The following NRG4 variants were observed in gnomAD, a reference collection of about 807,000 sequenced individuals.
The protein encoded by NRG4 is pro-neuregulin-4, membrane-bound isoform.
NRG4 carries 10 observed loss-of-function variants against 15.0 expected under a neutral mutation model. The observed-to-expected ratio is 0.67, with a 90% CI of 0.41 to 1.13. NRG4 has a LOEUF of 1.13. NRG4 is among the 50% of genes most tolerant of loss of function. The pLI is 0.00. For synonymous variants in NRG4, 41 were observed against 50.1 expected (o/e 0.82, Z 0.77); for missense variants, 139 against 140.2 (o/e 0.99, Z 0.04).
chr15:76,050,767 G>A (rs1466852978), intron 4 of NRG4, among the ~76,000 whole-genome samples: 1 of 147,310 alleles, frequency 6.8e-6, no homozygotes, highest in African/African-American at 2.6e-5. Flanking sequence ...TCTAAGCTCA[G>A]CAACTTGGAC....
intron 3 of NRG4, among the ~76,000 whole-genome samples, chr15:75,994,661 C>G (rs930952865): frequency 7.9e-5 from 12 of 152,200 alleles, no homozygotes; most frequent in African/African-American, 2.7e-4. Context: ...TGATAATGCT[C>G]AAGCTTGAAA....
intron 1 of NRG4, among the ~76,000 whole-genome samples, chr15:76,057,711 C>T (rs1394529180): frequency 6.6e-6 from 1 of 152,068 alleles, no homozygotes; most frequent in Non-Finnish European, 1.5e-5. Context: ...CCTACAATTT[C>T]CATTAACTCG....
At chr15:76,041,571 T>A (rs2035739843) in intron 4 of NRG4, among the ~76,000 whole-genome samples, 1 of 152,088 alleles carries the variant, frequency 6.6e-6, no homozygotes, top group African/African-American at 2.4e-5. Flanking sequence ...ACAAAAACTT[T>A]TAAGAAGAGA....
At chr15:75,945,795 A>C (rs912433481) in intron 5 of NRG4, 6 of 152,242 alleles carry the variant, frequency 3.9e-5, no homozygotes, top group Non-Finnish European at 8.8e-5. Context: ...CATTAAGTAC[A>C]GTAGTCCCCT....
chr15:75,998,205 T>C (rs758604317), intron 3 of NRG4, among the ~76,000 whole-genome samples: 2 of 152,200 alleles, frequency 1.3e-5, no homozygotes, highest in Non-Finnish European at 2.9e-5. Context: ...ACGGAAAATC[T>C]CAGTGAACAA....
intron 3 of NRG4, among the ~76,000 whole-genome samples, chr15:75,962,391 A>G (rs1316457965): frequency 6.6e-6 from 1 of 152,104 alleles, no homozygotes; most frequent in African/African-American, 2.4e-5. Context: ...TAAATAATCA[A>G]TCCATTACCC....
chr15:75,941,278 C>A lies in NRG4; in HGVS notation c.*2360G>T, dbSNP rs984984470. The A allele has an allele frequency of 1.3e-5, 2 of 151,992 alleles. No individual in the cohort carries two copies. The highest frequency in any genetic ancestry group is 6.5e-5 in the Admixed American group (1 of 15,280). 9.4% of individuals were successfully genotyped at this position (151,992 alleles called of 1,614,324 possible). ...ATAGCTCTTATTAAAATTAAAAAAA[C>A]ACACAAGTGTTGGCAAGGATGTGGA... is the stretch of plus-strand genomic sequence containing the variant. On this transcript the variant is annotated 3_prime_UTR_variant, in exon 6 of 6. Transcript: ENST00000394907.
In NRG4 at chr15:75,961,811, G is replaced by A. The variant is rs2141815000; in HGVS notation, c.251+17C>T. 4 of 1,588,074 alleles carry A rather than the reference G, an allele frequency of 2.5e-6. No homozygotes were observed. Among genetic ancestry groups the A allele is most frequent in the East Asian group, 2.2e-5 (1 of 44,654 alleles). ...TATGTATTACTTTTCTCAAAAGCAT[G>A]TTTCTATTTTACTTACCTGCAAAGG... On this transcript the variant is annotated intron_variant, in intron 4 of 5. Transcript: ENST00000394907.
rs1295927465 is a variant in NRG4 at position 75,970,469 on chromosome 15, G to A, written c.105-8495C>T. 1.2e-4 allele frequency among the ~76,000 whole-genome samples: 19 copies of A among 152,192 alleles called. 1 individual carries two copies. Among genetic ancestry groups the A allele is most frequent in the Admixed American group, 1.2e-3 (19 of 15,278 alleles). ...GAAGACTGGGGGTGCTACTATTGTG[G>A]ACAGGGTACAGAGCTGGGCCTTGGC... On this transcript the variant is annotated intron_variant, in intron 3 of 5. Coordinates refer to ENST00000394907, the MANE Select transcript of NRG4 (RefSeq NM_138573.4).
At chr15:76,044,631 C>T (rs1399202282) in intron 4 of NRG4, among the ~76,000 whole-genome samples, 1 of 149,162 alleles carries the variant, frequency 6.7e-6, no homozygotes, top group Non-Finnish European at 1.5e-5. Context: ...GTCAGGAGAT[C>T]AAGACCATCC....
At chr15:76,030,320 A>G (rs2035441726) in intron 5 of NRG4, among the ~76,000 whole-genome samples, 1 of 152,196 alleles carries the variant, frequency 6.6e-6, no homozygotes, top group African/African-American at 2.4e-5. Context: ...CCATCATGCT[A>G]CAACTTCAAA....
chr15:76,054,791 T>C (rs185434519), intron 2 of NRG4, among the ~76,000 whole-genome samples: 92 of 152,232 alleles, frequency 6.0e-4, no homozygotes, highest in African/African-American at 2.1e-3. Flanking sequence ...AAGTAAGTAT[T>C]ATAGTACAAA....
upstream of NRG4, among the ~76,000 whole-genome samples, chr15:76,013,145 A>AT (rs1458721541): frequency 6.6e-6 from 1 of 152,206 alleles, no homozygotes; most frequent in Non-Finnish European, 1.5e-5. Flanking sequence ...GACTGATGTA[A>AT]AGCCCAAACT....
At chr15:75,996,975 A>G (rs1167034621) in intron 3 of NRG4, among the ~76,000 whole-genome samples, 1 of 152,156 alleles carries the variant, frequency 6.6e-6, no homozygotes, top group African/African-American at 2.4e-5. Flanking sequence ...TCAATGAGAG[A>G]AAAATTATTT....
chr15:75,961,830 G>A lies in NRG4; in HGVS notation c.249C>T (p.Cys83=), dbSNP rs568921038. 145 of 1,606,928 alleles carry A rather than the reference G, an allele frequency of 9.0e-5. 1 individual carries two copies. In the South Asian group the frequency reaches 1.5e-3, roughly 17 times the overall value. ...AAGCATGTTTCTATTTTACTTACCT[G>A]CAAAGGAAGTAGAAGGCTCCAATGA... is the stretch of plus-strand genomic sequence containing the variant. ...TLIIGAFYFL[C]RKGHFQRASS... Residue 83 remains cysteine, a splice_region_variant and synonymous_variant, in exon 4 of 6, where the codon TGC becomes TGT. Transcript: ENST00000394907.
At chr15:76,013,152 A>G (rs1368785319), upstream of NRG4, among the ~76,000 whole-genome samples, 1 of 152,170 alleles carries the variant, frequency 6.6e-6, no homozygotes, top group Admixed American at 6.5e-5. Flanking sequence ...GTAAAGCCCA[A>G]ACTAATAAGT....
At chr15:75,988,379 G>GT (rs1177176709) in intron 3 of NRG4, among the ~76,000 whole-genome samples, 1 of 152,072 alleles carries the variant, frequency 6.6e-6, no homozygotes, top group African/African-American at 2.4e-5. Context: ...GAGAGATAGG[G>GT]TTTCACCATT....
rs368341884 is a variant in NRG4, at chr15:75,943,462, C to G, written c.*176G>C. 5.5e-4 allele frequency: 317 copies of G among 581,474 alleles called. No homozygotes were observed. The highest frequency in any genetic ancestry group is 8.9e-4 in the Non-Finnish European group (291 of 328,750). 36.0% of individuals were successfully genotyped at this position (581,474 alleles called of 1,614,324 possible). ...CTTAGCAGTTGCCGATGGACTGATG[C>G]ACATTACAGAAGCACACACACCTTG... On this transcript the variant is annotated 3_prime_UTR_variant, in exon 6 of 6. Coordinates refer to ENST00000394907, the MANE Select transcript of NRG4 (RefSeq NM_138573.4).
At chr15:76,058,719 G>T (rs555437087) in intron 1 of NRG4, among the ~76,000 whole-genome samples, 19 of 152,180 alleles carry the variant, frequency 1.2e-4, no homozygotes, top group Non-Finnish European at 2.8e-4. Context: ...AGAAACAAGG[G>T]TTTCCCATCT....
Sources: allele counts gnomAD v4.1 joint callset (sites outside exome capture counted in the v4.1 genomes callset), GRCh38; gene constraint gnomAD v4.1.1; transcripts MANE v1.5; gene names NCBI Gene and HGNC (gene_info 2026-07-23, HGNC 2026-07-21).